Variants in SMURF2 observed in about 807,000 individuals in gnomAD.
SMURF2 encodes the protein SMAD specific E3 ubiquitin protein ligase 2, also known as E3 ubiquitin-protein ligase SMURF2.
In SMURF2, 48 loss-of-function variants were observed where a neutral mutation model predicts 109.6. The ratio of observed to expected loss-of-function variants is 0.44; its 90% CI spans 0.35 to 0.56. SMURF2 has a LOEUF of 0.56. Among genes scored for constraint, SMURF2 ranks in the 20% least tolerant of loss-of-function variants. The probability of loss-of-function intolerance (pLI) is 0.01; values close to 1 mark genes in which losing one functional copy is unlikely to be tolerated. For missense variants in SMURF2, 575 were observed against 909.0 expected (o/e 0.63, Z 4.72); for synonymous variants, 288 against 317.1 (o/e 0.91, Z 0.97).
In SMURF2 at chr17:64,586,087, C is replaced by T. The variant is rs1555687041; in HGVS notation, c.484G>A (p.Gly162Ser). 2.5e-6 allele frequency: 4 copies of T among 1,584,788 alleles called. No individual in the cohort carries two copies. The highest frequency in any genetic ancestry group is 3.4e-6 in the Non-Finnish European group (4 of 1,160,384). ...ATGATTTCAGTGATGTTAGCTTACC[C>T]GTCTGGTAAATCGTTATCAAATAAA... The part of the protein sequence containing the change: ...SRLFDNDLPD[G>S]WEERRTASGR... Residue 162 changes from glycine to serine, a missense_variant and splice_region_variant, in exon 6 of 19, where the codon GGC becomes AGC. Around this residue, in one of 5 missense-constraint regions of SMURF2, gnomAD observed 151 missense variants for 178.4 expected, o/e 0.85. Coordinates refer to ENST00000262435, the MANE Select transcript of SMURF2 (RefSeq NM_022739.4).
chr17:64,556,443 T>G (rs1434222845), intron 13 of SMURF2, among the ~76,000 whole-genome samples: 1 of 152,152 alleles, frequency 6.6e-6, no homozygotes, highest in African/African-American at 2.4e-5. Flanking sequence ...GTGTCAGACT[T>G]GAATTAGAAT....
At chr17:64,597,735 T>G (rs1969837934) in intron 3 of SMURF2, among the ~76,000 whole-genome samples, 1 of 149,696 alleles carries the variant, frequency 6.7e-6, no homozygotes, top group Non-Finnish European at 1.5e-5. Context: ...ATGGTGCCAC[T>G]GCACTCCAAC....
At chr17:64,553,913 GA>G (rs1555683824) in intron 15 of SMURF2, among the ~76,000 whole-genome samples, 2 of 152,168 alleles carry the variant, frequency 1.3e-5, no homozygotes, top group African/African-American at 4.8e-5. Context: ...TCTATACACA[GA>G]AAGTATATCA....
At chr17:64,627,111 C>CAT in intron 1 of SMURF2, among the ~76,000 whole-genome samples, 1 of 120,116 alleles carries the variant, frequency 8.3e-6, no homozygotes, top group East Asian at 2.2e-4. Flanking sequence ...AGTTTTTTTC[C>CAT]TTTTTTTTTT....
chr17:64,571,908 T>A lies in SMURF2; in HGVS notation c.906A>T (p.Gly302=). 1 of 1,613,878 alleles carries A rather than the reference T, an allele frequency of 6.2e-7. No individual in the cohort carries two copies. The highest frequency in any genetic ancestry group is 8.5e-7 in the Non-Finnish European group (1 of 1,179,884). Residue 302 remains glycine (G), a synonymous_variant, in exon 10 of 19, where the codon GGA becomes GGT. Coordinates refer to ENST00000262435, the MANE Select transcript of SMURF2 (RefSeq NM_022739.4). ...NCEELGPLPP[G]WEIRNTATGR... is the part of the protein sequence containing the mutation. ...CTGTTGCCGTATTACGGATCTCCCA[T>A]CCAGGAGGCAATGGACCAAGCTCTT...
rs781988698 is a variant in SMURF2, at chr17:64,547,824, T to TG, written c.1870-24dup. The stretch of plus-strand genomic sequence containing the variant: ...GAGCTGTGAAAATAGTACACAGTAA[T>TG]GAACCTGTGGAAACCACAGCCAGAC... On this transcript the variant is annotated intron_variant, in intron 16 of 18. Coordinates refer to ENST00000262435, the MANE Select transcript of SMURF2 (RefSeq NM_022739.4). The surrounding 1 kb of genome is among the most constrained non-coding windows in gnomAD (Gnocchi z 4.2). 3.7e-6 allele frequency: 6 copies of TG among 1,611,354 alleles called. No individual in the cohort carries two copies. In the South Asian group the frequency reaches 6.6e-5, roughly 18 times the overall value.
At chr17:64,560,114 C>T (rs1299657277) in intron 12 of SMURF2, among the ~76,000 whole-genome samples, 1 of 151,536 alleles carries the variant, frequency 6.6e-6, no homozygotes, top group African/African-American at 2.4e-5. Context: ...CTTTAGGAGG[C>T]TGAGGCAGGA....
intron 1 of SMURF2, among the ~76,000 whole-genome samples, chr17:64,634,535 A>C (rs1311124049): frequency 1.3e-5 from 2 of 152,184 alleles, no homozygotes; most frequent in African/African-American, 4.8e-5. Flanking sequence ...AACTGGCTAG[A>C]ATCATGCAAG....
intron 1 of SMURF2, among the ~76,000 whole-genome samples, chr17:64,660,486 G>T (rs1245769751): frequency 6.6e-6 from 1 of 152,180 alleles, no homozygotes; most frequent in Non-Finnish European, 1.5e-5. Context: ...CCTAGGGAAA[G>T]GAAAACTGCC....
At chr17:64,656,771 T>C (rs927720564) in intron 1 of SMURF2, among the ~76,000 whole-genome samples, 12 of 152,176 alleles carry the variant, frequency 7.9e-5, no homozygotes, top group African/African-American at 2.7e-4. Context: ...TGAACGATGG[T>C]TGCTGTTGAA....
chr17:64,604,930 T>G (rs569232225), intron 2 of SMURF2, among the ~76,000 whole-genome samples: 7 of 149,592 alleles, frequency 4.7e-5, no homozygotes, highest in African/African-American at 9.9e-5. Context: ...GGCAACAGAG[T>G]GAGACTCCGT....
At chr17:64,587,786 A>G (rs1206050078) in intron 5 of SMURF2, among the ~76,000 whole-genome samples, 2 of 152,250 alleles carry the variant, frequency 1.3e-5, no homozygotes, top group Non-Finnish European at 2.9e-5. Context: ...AGACAACTGT[A>G]TCAATCAGTT....
chr17:64,608,495 C>A (rs782247580), intron 1 of SMURF2, among the ~76,000 whole-genome samples: 1 of 152,126 alleles, frequency 6.6e-6, no homozygotes, highest in Non-Finnish European at 1.5e-5. Context: ...TTAGAGAACT[C>A]CTCCCCAAAC....
rs1217500890 is a variant in SMURF2 at position 64,661,848 on chromosome 17, G to C, written c.33C>G (p.Pro11=). The C allele has an allele frequency of 6.6e-6, 8 of 1,220,588 alleles. No homozygotes were observed. The East Asian group carries it at 9.7e-5, about 15-fold the overall frequency. The allele number at this position is 1,220,588 out of a possible 1,614,324, so 75.6% of individuals were successfully genotyped here. ...CCTCACCTGTCAGGCGCAGCTTGAC[G>C]GGCCCGTTCCTCCGGCCTCCGGGGT... MSNPGGRRNG[P]VKLRLTVLCA... is the part of the protein sequence containing the mutation. The change falls in exon 1 of 19, where the codon CCC becomes CCG. Residue 11 remains proline, a synonymous_variant. Coordinates refer to ENST00000262435, the MANE Select transcript of SMURF2 (RefSeq NM_022739.4).
Position 64,583,084 on chromosome 17 carries a change from G to A in SMURF2, c.569+377C>T, listed in dbSNP as rs140845018. The stretch of plus-strand genomic sequence containing the variant: ...AGCTAATTTTTTTGGTAGAGACAGG[G>A]TTTCATCATGTTGCCCAGGCTGGTC... On this transcript the variant is annotated intron_variant, in intron 7 of 18. Coordinates refer to ENST00000262435, the MANE Select transcript of SMURF2 (RefSeq NM_022739.4). 4.6e-5 allele frequency among the ~76,000 whole-genome samples: 7 copies of A among 152,164 alleles called. No homozygotes were observed. In the East Asian group the frequency reaches 1.2e-3, roughly 25 times the overall value.
chr17:64,614,000 G>A (rs544810625), intron 1 of SMURF2, among the ~76,000 whole-genome samples: 1 of 151,810 alleles, frequency 6.6e-6, no homozygotes, highest in African/African-American at 2.4e-5. Context: ...TAGATCCCTC[G>A]CATGCGCAGT....
At chr17:64,571,744 T>C in intron 10 of SMURF2, 54 bp downstream of exon 10, 1 of 1,512,352 alleles carries the variant, frequency 6.6e-7, no homozygotes, top group Non-Finnish European at 9.0e-7. Flanking sequence ...AAAGCATCTA[T>C]GCGTTTCATC....
chr17:64,567,853 CTTTT>C (rs1173742917), intron 10 of SMURF2, among the ~76,000 whole-genome samples: 2 of 112,192 alleles, frequency 1.8e-5, no homozygotes, highest in Non-Finnish European at 3.6e-5. Flanking sequence ...CCACACCTGG[CTTTT>C]TTTTTTTTTT....
chr17:64,564,596 A>G (rs1244078503), intron 10 of SMURF2, among the ~76,000 whole-genome samples: 1 of 152,210 alleles, frequency 6.6e-6, no homozygotes, highest in Admixed American at 6.6e-5. Flanking sequence ...CTTTATAAGA[A>G]GAGGGAAATT....
Sources: allele counts gnomAD v4.1 joint callset (sites outside exome capture counted in the v4.1 genomes callset), GRCh38; gene constraint gnomAD v4.1.1; regional missense constraint gnomAD v4.1.1; non-coding constraint Gnocchi (gnomAD v3.1); transcripts MANE v1.5; gene names NCBI Gene and HGNC (gene_info 2026-07-23, HGNC 2026-07-21).